TACC1: variants seen among roughly 807,000 people sequenced by gnomAD.
TACC1 encodes transforming acidic coiled-coil-containing protein 1.
In TACC1, 48 loss-of-function variants were observed where a neutral mutation model predicts 84.4. That is an observed-to-expected ratio of 0.57 (90% CI 0.45 to 0.72). The LOEUF (loss-of-function observed/expected upper bound fraction) is 0.72, where lower values mean the gene tolerates loss of function less well. Ranked by LOEUF, TACC1 falls within the 30% of genes least tolerant of loss-of-function variation. TACC1 has a pLI of 0.00. For synonymous variants in TACC1, 372 were observed against 376.3 expected, an observed-to-expected ratio of 0.99 and a Z score of 0.13; for missense variants, 920 against 973.0, an observed-to-expected ratio of 0.95 and a Z score of 0.72.
At chr8:38,765,975 C>T (rs1812174330) in intron 3 of TACC1, among the ~76,000 whole-genome samples, 1 of 152,124 alleles carries the variant, frequency 6.6e-6, no homozygotes, top group Non-Finnish European at 1.5e-5. Context: ...TTCAAATGCT[C>T]TCGGTCATCA....
At chr8:38,793,652 A>G (rs1819290118) in intron 2 of TACC1, among the ~76,000 whole-genome samples, 1 of 152,150 alleles carries the variant, frequency 6.6e-6, no homozygotes, top group Admixed American at 6.5e-5. Flanking sequence ...TATGTTGCCC[A>G]GGCTGATCTT....
chr8:38,766,362 C>T (rs997547601), intron 3 of TACC1, among the ~76,000 whole-genome samples: 1 of 152,158 alleles, frequency 6.6e-6, no homozygotes. Context: ...TATATTTAGC[C>T]TCCTTAAATT....
intron 2 of TACC1, among the ~76,000 whole-genome samples, chr8:38,798,606 C>CGTGTGTGTGTGTGTGTGTGT (rs10631964): frequency 9.1e-5 from 13 of 143,506 alleles, no homozygotes; most frequent in South Asian, 2.3e-4. Flanking sequence ...CTGGGTTCTG[C>CGTGTGTGTGTGTGTGTGTGT]GTGTGTGTGT....
rs1827810792 is a variant in TACC1 at position 38,825,364 on chromosome 8, C to G, written c.1448C>G (p.Ser483Cys). The change falls in exon 4 of 13, where the codon TCT becomes TGT. Residue 483 changes from serine (S) to cysteine (C), a missense_variant. Physicochemically the swap from Ser to Cys is moderately radical, Grantham distance 112. Transcript: ENST00000317827. Reference protein sequence around the residue: ...ETQSLALDACSRDEGAVISQI... With the variant: ...ETQSLALDACCRDEGAVISQI... The stretch of plus-strand genomic sequence containing the variant: ...CAGTCTCTCGCCCTGGATGCATGTT[C>G]TCGGGTGAGTCTGTGCCCATCTCCA... The G allele has an allele frequency of 6.2e-7, 1 of 1,614,104 alleles. No individual in the cohort carries two copies. The highest frequency in any genetic ancestry group is 2.2e-5 in the East Asian group (1 of 44,876).
chr8:38,821,567 T>C (rs1826828966), intron 3 of TACC1, among the ~76,000 whole-genome samples: 1 of 152,204 alleles, frequency 6.6e-6, no homozygotes, highest in African/African-American at 2.4e-5. Flanking sequence ...TTTTAAATGA[T>C]CAGTTAAAAC....
Position 38,756,137 on chromosome 8 carries a change from G to T in TACC1, c.26+10644G>T, listed in dbSNP as rs140231955. On this transcript the variant is annotated intron_variant, in intron 3 of 14. Coordinates refer to the TACC1 transcript ENST00000518415. The stretch of plus-strand genomic sequence containing the variant: ...CCGGGAAGAGAGAATTATAAAATAA[G>T]ATTGGTAAATGCTTCGTTAGCAGAG... Among the ~76,000 whole-genome samples, 848 of 152,014 alleles carry T rather than the reference G, an allele frequency of 5.6e-3. 15 individuals are homozygous for T. Among genetic ancestry groups the T allele is most frequent in the African/African-American group, 0.018 (763 of 41,464 alleles).
intron 2 of TACC1, among the ~76,000 whole-genome samples, chr8:38,811,590 AT>A (rs1216314568): frequency 6.6e-6 from 1 of 152,200 alleles, no homozygotes; most frequent in Admixed American, 6.5e-5. Flanking sequence ...TGAAGATTTC[AT>A]GGACATTTAT....
intron 3 of TACC1, among the ~76,000 whole-genome samples, chr8:38,747,155 C>T (rs995384752): frequency 3.3e-5 from 5 of 152,120 alleles, no homozygotes; most frequent in African/African-American, 9.7e-5. Context: ...CAATGAGATA[C>T]CACTACACAT....
rs16892029 is a variant in TACC1 at position 38,833,871 on chromosome 8, A to G, written c.1714-2291A>G. ...CTAAGAACTCAGAAGAGACTGACCC[A>G]TGAAATGTTGTTAATTTAGAATCAG... On this transcript the variant is annotated intron_variant, in intron 6 of 12. Transcript: ENST00000317827. 5.3e-3 allele frequency among the ~76,000 whole-genome samples: 801 copies of G among 152,348 alleles called. 8 individuals carry two copies. Among genetic ancestry groups the G allele is most frequent in the African/African-American group, 0.018 (750 of 41,580 alleles).
chr8:38,745,561 T>C (rs1807920753), intron 3 of TACC1: 2 of 667,596 alleles, frequency 3.0e-6, no homozygotes, highest in Non-Finnish European at 5.4e-6. Context: ...TTTTGTTTTT[T>C]GAGATGGAAT....
At chr8:38,846,019 G>C (rs959814068) in intron 11 of TACC1, 1 of 151,962 alleles carries the variant, frequency 6.6e-6, no homozygotes, top group Non-Finnish European at 1.5e-5. Flanking sequence ...CAGGCCGGGC[G>C]CGGTGGCTCA....
In TACC1 at chr8:38,787,400, C is replaced by T; in HGVS notation, c.-183C>T. The T allele has an allele frequency of 1.5e-6, 2 of 1,354,878 alleles. No homozygotes were observed. Among genetic ancestry groups the T allele is most frequent in the Non-Finnish European group, 1.9e-6 (2 of 1,060,554 alleles). The allele number at this position is 1,354,878 out of a possible 1,614,324, so 83.9% of individuals were successfully genotyped here. A position where few individuals can be genotyped will look rare whatever the true frequency, so the allele number is the denominator to read the frequency against. ...GGAGGAGGCCGAGGAGGACGCAGCG[C>T]CGGCTGCCGGCGGGAGGAAGCGCTC... is the stretch of plus-strand genomic sequence containing the variant. On this transcript the variant is annotated 5_prime_UTR_variant, in exon 1 of 13. Transcript: ENST00000317827.
At position 38,815,744 on chromosome 8, in the gene TACC1, T is replaced by C. The variant is rs111461114; in HGVS notation, c.278-3778T>C. 2.7e-3 allele frequency among the ~76,000 whole-genome samples: 414 copies of C among 152,174 alleles called. 8 individuals are homozygous for C. Among genetic ancestry groups the C allele is most frequent in the African/African-American group, 9.1e-3 (376 of 41,520 alleles). ...ATGTATAATAGATTTTAAGGTGATA[T>C]ATATTATAGTTGTAAAGATTAAAAA... is the stretch of plus-strand genomic sequence containing the variant. On this transcript the variant is annotated intron_variant, in intron 2 of 12. Transcript: ENST00000317827.
intron 3 of TACC1, among the ~76,000 whole-genome samples, chr8:38,765,195 C>T (rs1382009044): frequency 6.6e-6 from 1 of 151,174 alleles, no homozygotes; most frequent in Non-Finnish European, 1.5e-5. Context: ...TTTATTTCTG[C>T]CTCATTAAAC....
Position 38,849,206 on chromosome 8 carries a change from C to CA in TACC1, c.*1188dup, listed in dbSNP as rs1465693733. On this transcript the variant is annotated 3_prime_UTR_variant, in exon 13 of 13. Coordinates refer to ENST00000317827, the MANE Select transcript of TACC1 (RefSeq NM_006283.3). ...GCAGTAAAAGTCACATGAACCACTC[C>CA]AAAAATCAGTGCATTTTGCATATTT... 3 of 152,098 alleles carry CA rather than the reference C, an allele frequency of 2.0e-5. No homozygotes were observed. Among genetic ancestry groups the CA allele is most frequent in the African/African-American group, 7.2e-5 (3 of 41,398 alleles). 9.4% of individuals were successfully genotyped at this position (152,098 alleles called of 1,614,324 possible). A position where few individuals can be genotyped will look rare whatever the true frequency, so the allele number is the denominator to read the frequency against.
chr8:38,757,481 G>C (rs1810325528), intron 3 of TACC1: 3 of 1,093,310 alleles, frequency 2.7e-6, no homozygotes, highest in Non-Finnish European at 3.4e-6. Context: ...AGCGCGCTGG[G>C]GCCCGTCCCA....
exon 3 of TACC1, chr8:38,745,422 A>C (rs1169038112): frequency 1.5e-6 from 1 of 650,224 alleles, no homozygotes; most frequent in East Asian, 2.8e-5. Context: ...AACCAGGAAA[A>C]TGGAACGTAG....
At chr8:38,845,375 A>C (rs908177203) in intron 11 of TACC1, among the ~76,000 whole-genome samples, 7 of 152,246 alleles carry the variant, frequency 4.6e-5, no homozygotes, top group Non-Finnish European at 5.9e-5. Flanking sequence ...TAGGTTTTAC[A>C]GATGCCTCTA....
At chr8:38,729,736 G>T (rs1181283668) in intron 1 of TACC1, among the ~76,000 whole-genome samples, 1 of 152,146 alleles carries the variant, frequency 6.6e-6, no homozygotes, top group African/African-American at 2.4e-5. Context: ...GGGCGTGGTG[G>T]CAGGTACCTG....
Sources: gnomAD v4.1 joint callset for allele counts (sites outside exome capture counted in the v4.1 genomes callset) on GRCh38, gnomAD v4.1.1 for gene constraint, MANE v1.5 for transcripts, NCBI Gene and HGNC (gene_info 2026-07-23, HGNC 2026-07-21) for gene names.